Variants in LRRC37A2 observed in about 807,000 individuals in gnomAD.
The protein encoded by LRRC37A2 is leucine-rich repeat-containing protein 37A2.
In LRRC37A2, 9 loss-of-function variants were observed where a neutral mutation model predicts 68.8. The observed-to-expected ratio is 0.13, with a 90% confidence interval of 0.08 to 0.23. The LOEUF (loss-of-function observed/expected upper bound fraction) is 0.23. LRRC37A2 is among the 10% of genes least tolerant of loss of function. The pLI, the probability that LRRC37A2 is intolerant of heterozygous loss-of-function variation, is 1.00. For missense variants in LRRC37A2, 168 were observed against 950.4 expected (o/e 0.18, Z 10.82); for synonymous variants, 63 against 367.6 (o/e 0.17, Z 9.48).
chr17:46,853,677 C>G, the LRRC37A2 span, among the ~76,000 whole-genome samples: 1 of 152,034 alleles, frequency 6.6e-6, no homozygotes, highest in African/African-American at 2.4e-5. Context: ...TAGTTTTTTT[C>G]ATTAAGGAAA....
chr17:46,898,892 C>T, the LRRC37A2 span, among the ~76,000 whole-genome samples: 2 of 152,216 alleles, frequency 1.3e-5, no homozygotes, highest in South Asian at 4.2e-4. Context: ...TACCATATGA[C>T]CCAGCAATTG....
chr17:46,805,113 A>G, the LRRC37A2 span, among the ~76,000 whole-genome samples: 1 of 152,112 alleles, frequency 6.6e-6, no homozygotes, highest in Admixed American at 6.6e-5. Context: ...ACTGGAAGGA[A>G]CCAACTCCAG....
the LRRC37A2 span, among the ~76,000 whole-genome samples, chr17:47,004,260 G>A: frequency 6.6e-6 from 1 of 152,138 alleles, no homozygotes; most frequent in Non-Finnish European, 1.5e-5. Flanking sequence ...TGTGTCAAAT[G>A]GTATTTCTAG....
the LRRC37A2 span, among the ~76,000 whole-genome samples, chr17:46,961,643 C>T: frequency 7.2e-5 from 11 of 151,992 alleles, no homozygotes; most frequent in Admixed American, 5.2e-4. Context: ...AGATGAAATA[C>T]GTCTGTAAAA....
the LRRC37A2 span, among the ~76,000 whole-genome samples, chr17:46,799,582 G>A: frequency 1.3e-5 from 2 of 151,770 alleles, no homozygotes; most frequent in African/African-American, 4.8e-5. Flanking sequence ...TGAGTAGCTG[G>A]GATTACAGGT....
chr17:46,750,995 A>G, the LRRC37A2 span, among the ~76,000 whole-genome samples: 1 of 152,158 alleles, frequency 6.6e-6, no homozygotes, highest in African/African-American at 2.4e-5. Flanking sequence ...TAACTTGGTG[A>G]GCTCTATTGG....
the LRRC37A2 span, among the ~76,000 whole-genome samples, chr17:46,995,923 TCCTCGGCCCA>T: frequency 6.6e-6 from 1 of 152,158 alleles, no homozygotes; most frequent in African/African-American, 2.4e-5. Flanking sequence ...TGGAGTTCTG[TCCTCGGCCCA>T]CCTCAGTGGC....
At chr17:46,992,220 T>TAAATAAATA in the LRRC37A2 span, among the ~76,000 whole-genome samples, 8 of 36,396 alleles carry the variant, frequency 2.2e-4, no homozygotes, top group African/African-American at 6.6e-4. Flanking sequence ...ATAAATAAAT[T>TAAATAAATA]AGCCAGGTGT....
the LRRC37A2 span, chr17:46,872,860 T>G: frequency 6.9e-7 from 1 of 1,448,674 alleles, no homozygotes; most frequent in Non-Finnish European, 9.2e-7. Flanking sequence ...CTTTCCTTTT[T>G]CCTGGCTCCC....
intron 6 of LRRC37A2, among the ~76,000 whole-genome samples, chr17:46,525,446 G>T (rs58694652): frequency 2.7e-5 from 3 of 111,520 alleles, no homozygotes; most frequent in African/African-American, 9.6e-5. Context: ...AATTAGCTGG[G>T]CATGGTGGCA....
At chr17:46,875,382 G>A in the LRRC37A2 span, 1 of 1,576,942 alleles carries the variant, frequency 6.3e-7, no homozygotes, top group Non-Finnish European at 8.6e-7. Context: ...CATGTCCCTG[G>A]CTGCCCGCAG....
At chr17:46,543,188 C>CT in intron 8 of LRRC37A2, among the ~76,000 whole-genome samples, 1 of 150,604 alleles carries the variant, frequency 6.6e-6, no homozygotes, top group Non-Finnish European at 1.5e-5. Flanking sequence ...AACTAAATGT[C>CT]TTATGGGAGT....
chr17:46,713,818 C>CT, the LRRC37A2 span: 4 of 1,594,936 alleles, frequency 2.5e-6, no homozygotes, highest in South Asian at 1.2e-5. Context: ...CTTAGGTTGG[C>CT]TTTTTTCCCC....
the LRRC37A2 span, chr17:46,872,741 G>A: frequency 1.2e-6 from 2 of 1,611,776 alleles, no homozygotes; most frequent in South Asian, 1.1e-5. Context: ...TGGAACTGTA[G>A]CCTGGAGGGC....
the LRRC37A2 span, among the ~76,000 whole-genome samples, chr17:46,708,279 A>G: frequency 6.6e-6 from 1 of 152,250 alleles, no homozygotes; most frequent in African/African-American, 2.4e-5. Context: ...ACCGTTTTCC[A>G]CGGTGGCTGC....
chr17:46,755,670 A>C, the LRRC37A2 span: 1 of 1,002,642 alleles, frequency 1.0e-6, no homozygotes, highest in African/African-American at 1.6e-5. Context: ...TGCTCATCTA[A>C]TAGCAAATGC....
At chr17:46,716,461 G>T in the LRRC37A2 span, among the ~76,000 whole-genome samples, 1 of 152,084 alleles carries the variant, frequency 6.6e-6, no homozygotes, top group Non-Finnish European at 1.5e-5. Context: ...GTTTCACCGT[G>T]TTAGCCAGGA....
the LRRC37A2 span, among the ~76,000 whole-genome samples, chr17:46,771,814 G>T: frequency 0.011 from 1,552 of 143,972 alleles, 12 homozygotes; most frequent in Middle Eastern, 0.038. Context: ...TGTGAATGGC[G>T]CGGCGGCCGC....
At chr17:46,998,437 G>C in the LRRC37A2 span, among the ~76,000 whole-genome samples, 1 of 152,212 alleles carries the variant, frequency 6.6e-6, no homozygotes, top group Admixed American at 6.5e-5. Flanking sequence ...GTCACGTGCA[G>C]CCATGGATCC....
Sources: allele counts gnomAD v4.1 joint callset (sites outside exome capture counted in the v4.1 genomes callset), GRCh38; gene constraint gnomAD v4.1.1; transcripts MANE v1.5; gene names NCBI Gene and HGNC (gene_info 2026-07-23, HGNC 2026-07-21).